The following TEX26 variants were observed in gnomAD, a reference collection of about 807,000 sequenced individuals.
TEX26 encodes testis expressed 26, also known as testis-expressed protein 26.
Under a neutral mutation model 35.3 loss-of-function variants are expected in TEX26, and 34 were observed. The observed-to-expected ratio is 0.96, with a 90% CI of 0.73 to 1.28. The LOEUF (loss-of-function observed/expected upper bound fraction) is 1.28, where lower values mean the gene tolerates loss of function less well. Ranked by LOEUF, TEX26 falls within the 50% of genes most tolerant of loss-of-function variation. TEX26 has a pLI of 0.00. For missense variants in TEX26, 371 were observed against 330.1 expected (o/e 1.12, Z -0.96); for synonymous variants, 136 against 111.8 (o/e 1.22, Z -1.36).
chr13:30,946,613 T>C (rs1372877830), intron 2 of TEX26, among the ~76,000 whole-genome samples: 1 of 152,006 alleles, frequency 6.6e-6, no homozygotes, highest in Non-Finnish European at 1.5e-5. Flanking sequence ...ATTTGATTTT[T>C]TAAAATTTCT....
chr13:30,966,278 C>T lies in TEX26; in HGVS notation c.526C>T (p.Gln176Ter). 6.2e-7 allele frequency: 1 copy of T among 1,614,076 alleles called. No individual in the cohort carries two copies. Among genetic ancestry groups the T allele is most frequent in the Non-Finnish European group, 8.5e-7 (1 of 1,180,022 alleles). The change falls in exon 5 of 7, where the codon CAA (glutamine) becomes TAA (stop). Residue 176 changes from glutamine (Q) to a stop codon, truncating the protein, a stop_gained. Transcript: ENST00000380473. LOFTEE classifies it high-confidence loss of function. ...TCTGGAATGGAAAAAGTTACTTCCC[C>T]AACCTCCAGACACTGAATTCCGAAG... ...LSLEWKKLLP[Q>*]PPDTEFRRNY...
At position 30,966,281 on chromosome 13, in the gene TEX26, C is replaced by T. The variant is rs1954523183; in HGVS notation, c.529C>T (p.Pro177Ser). Residue 177 changes from proline to serine, a missense_variant, in exon 5 of 7, where the codon CCT becomes TCT. Coordinates refer to ENST00000380473, the MANE Select transcript of TEX26 (RefSeq NM_152325.3). Reference sequence around the variant, plus strand: ...GGAATGGAAAAAGTTACTTCCCCAACCTCCAGACACTGAATTCCGAAGGAA... The same window carrying T: ...GGAATGGAAAAAGTTACTTCCCCAATCTCCAGACACTGAATTCCGAAGGAA... ...SLEWKKLLPQPPDTEFRRNYQ... is the reference protein window; with the variant it reads ...SLEWKKLLPQSPDTEFRRNYQ... The T allele has an allele frequency of 6.2e-7, 1 of 1,614,066 alleles. No individual in the cohort carries two copies. The highest frequency in any genetic ancestry group is 8.5e-7 in the Non-Finnish European group (1 of 1,180,016).
At chr13:30,963,830 T>G (rs1157229365) in intron 4 of TEX26, among the ~76,000 whole-genome samples, 1 of 152,178 alleles carries the variant, frequency 6.6e-6, no homozygotes, top group Non-Finnish European at 1.5e-5. Flanking sequence ...GTTCATTCTA[T>G]AGATATTTAA....
chr13:30,958,213 G>T (rs904127573), intron 4 of TEX26, among the ~76,000 whole-genome samples: 10 of 151,996 alleles, frequency 6.6e-5, no homozygotes, highest in Non-Finnish European at 1.2e-4. Context: ...TGTCTCAGGG[G>T]GTCAAAAATG....
intron 4 of TEX26, among the ~76,000 whole-genome samples, chr13:30,963,925 C>A (rs529530325): frequency 2.6e-5 from 4 of 152,140 alleles, no homozygotes; most frequent in African/African-American, 9.7e-5. Context: ...TCATGTGGAA[C>A]GGACGTTCCA....
At chr13:30,965,643 A>G (rs1954500451) in intron 4 of TEX26, among the ~76,000 whole-genome samples, 1 of 152,224 alleles carries the variant, frequency 6.6e-6, no homozygotes, top group Non-Finnish European at 1.5e-5. Flanking sequence ...AATATGTTTT[A>G]GCAGAGATAT....
intron 4 of TEX26, 113 bp from the exon 5 acceptor site, chr13:30,966,109 A>G (rs1954516056): frequency 9.4e-7 from 1 of 1,061,772 alleles, no homozygotes; most frequent in Admixed American, 2.4e-5. Flanking sequence ...TTATTTCTCC[A>G]TTGAAGTGTT....
At chr13:30,934,823 A>T (rs192871918) in intron 1 of TEX26, among the ~76,000 whole-genome samples, 1 of 152,312 alleles carries the variant, frequency 6.6e-6, no homozygotes, top group East Asian at 1.9e-4. Flanking sequence ...GTCCTGGGCG[A>T]GGCTACAGCC....
chr13:30,932,712 C>A lies in TEX26; in HGVS notation c.-4C>A. 6.2e-7 allele frequency: 1 copy of A among 1,613,078 alleles called. No individual in the cohort carries two copies. On this transcript the variant is annotated 5_prime_UTR_variant, in exon 1 of 7. Coordinates refer to ENST00000380473, the MANE Select transcript of TEX26 (RefSeq NM_152325.3). ...AGGGCCCCGCGGCCGCCTCCTGGGG[C>A]AGAATGGAACAGCCTGGGCCCAGGG...
intron 3 of TEX26, among the ~76,000 whole-genome samples, chr13:30,956,201 T>C (rs982597321): frequency 7.8e-6 from 1 of 127,986 alleles, no homozygotes; most frequent in Non-Finnish European, 1.6e-5. Context: ...GTGTGTGATG[T>C]TCCCCTTCCT....
chr13:30,940,584 C>T (rs1174371780), intron 2 of TEX26, among the ~76,000 whole-genome samples: 1 of 152,048 alleles, frequency 6.6e-6, no homozygotes, highest in Non-Finnish European at 1.5e-5. Flanking sequence ...CCGCCCGCCT[C>T]GGCCTTCCCA....
intron 1 of TEX26, chr13:30,936,667 C>G: frequency 1.0e-6 from 1 of 985,324 alleles, no homozygotes; most frequent in Non-Finnish European, 1.2e-6. Flanking sequence ...TTCTCCAAGG[C>G]CAGGTCAAGA....
At chr13:30,971,225 G>C (rs1291543768) in intron 6 of TEX26, among the ~76,000 whole-genome samples, 1 of 152,208 alleles carries the variant, frequency 6.6e-6, no homozygotes, top group Non-Finnish European at 1.5e-5. Context: ...CTTGTGTCAG[G>C]CATGGCACTG....
At chr13:30,968,202 G>A (rs1015160822) in intron 5 of TEX26, among the ~76,000 whole-genome samples, 23 of 152,196 alleles carry the variant, frequency 1.5e-4, no homozygotes, top group East Asian at 3.8e-4. Flanking sequence ...GAGGGTTGAT[G>A]CTTTTATATC....
intron 1 of TEX26, among the ~76,000 whole-genome samples, chr13:30,935,259 G>A (rs1456395074): frequency 6.6e-6 from 1 of 152,252 alleles, no homozygotes; most frequent in East Asian, 1.9e-4. Context: ...GGCAGACAGA[G>A]TCCTGGGTGG....
intron 1 of TEX26, among the ~76,000 whole-genome samples, chr13:30,935,526 T>C (rs1461951815): frequency 6.6e-6 from 1 of 152,232 alleles, no homozygotes; most frequent in Non-Finnish European, 1.5e-5. Flanking sequence ...CCCCCCGCTG[T>C]AGAGGAGTAT....
intron 3 of TEX26, among the ~76,000 whole-genome samples, chr13:30,954,940 A>T (rs1248481512): frequency 6.6e-6 from 1 of 152,234 alleles, no homozygotes; most frequent in East Asian, 1.9e-4. Context: ...GCGTGTTCTC[A>T]GCCAATGAGT....
intron 2 of TEX26, among the ~76,000 whole-genome samples, chr13:30,950,177 G>A (rs373896998): frequency 4.6e-5 from 7 of 152,160 alleles, no homozygotes; most frequent in African/African-American, 7.2e-5. Context: ...AGGCCAAGGC[G>A]GGTAGGTCAC....
At chr13:30,940,548 C>T (rs1953453543) in intron 2 of TEX26, among the ~76,000 whole-genome samples, 2 of 151,826 alleles carry the variant, frequency 1.3e-5, no homozygotes, top group Non-Finnish European at 2.9e-5. Flanking sequence ...TTAGCCAGGA[C>T]GGTCTTGATC....
Sources: gnomAD v4.1 joint callset for allele counts (sites outside exome capture counted in the v4.1 genomes callset) on GRCh38, gnomAD v4.1.1 for gene constraint, MANE v1.5 for transcripts, NCBI Gene and HGNC (gene_info 2026-07-23, HGNC 2026-07-21) for gene names.